The following USO1 variants were observed in gnomAD, a reference collection of about 807,000 sequenced individuals.
USO1 encodes the protein general vesicular transport factor p115.
In USO1, 57 loss-of-function variants were observed where a neutral mutation model predicts 124.5. The observed-to-expected ratio is 0.46, with a 90% CI of 0.37 to 0.57. The LOEUF is 0.57. Among genes scored for constraint, USO1 ranks in the 20% least tolerant of loss-of-function variants. The pLI is 0.00. For missense variants in USO1, 900 were observed against 1,040.6 expected, an observed-to-expected ratio of 0.86 and a Z score of 1.86; for synonymous variants, 369 against 362.8, an observed-to-expected ratio of 1.02 and a Z score of -0.19.
chr4:75,798,671 G>A (rs1424518831), intron 13 of USO1, among the ~76,000 whole-genome samples: 1 of 152,116 alleles, frequency 6.6e-6, no homozygotes, highest in African/African-American at 2.4e-5. Context: ...AATTAGAATA[G>A]TCTGGGTGGT....
intron 4 of USO1, among the ~76,000 whole-genome samples, chr4:75,769,698 A>T (rs1176938158): frequency 1.3e-5 from 2 of 151,236 alleles, no homozygotes; most frequent in African/African-American, 4.9e-5. Context: ...GGCAGATCTT[A>T]AGTAGTTTGC....
chr4:75,777,236 T>C (rs975455340), intron 8 of USO1, among the ~76,000 whole-genome samples: 3 of 152,154 alleles, frequency 2.0e-5, no homozygotes, highest in African/African-American at 7.2e-5. Context: ...TTTTATATAG[T>C]ATTTAATTAA....
chr4:75,793,085 GT>G (rs1722576176), intron 12 of USO1, among the ~76,000 whole-genome samples: 1 of 151,052 alleles, frequency 6.6e-6, no homozygotes, highest in East Asian at 1.9e-4. Flanking sequence ...AGATCTCATT[GT>G]TTTGTATGGC....
intron 4 of USO1, chr4:75,767,377 A>G (rs928070310): frequency 1.5e-5 from 6 of 389,650 alleles, no homozygotes; most frequent in Non-Finnish European, 3.0e-5. Context: ...ATGTAAAATA[A>G]TGAACATATG....
chr4:75,724,639 G>C lies in USO1; in HGVS notation c.-181G>C, dbSNP rs557440558. 1.7e-6 allele frequency: 1 copy of C among 604,334 alleles called. No individual in the cohort carries two copies. The highest frequency in any genetic ancestry group is 1.9e-5 in the African/African-American group (1 of 51,460). 37.4% of individuals were successfully genotyped at this position (604,334 alleles called of 1,614,324 possible). A position where few individuals can be genotyped will look rare whatever the true frequency, so the allele number is the denominator to read the frequency against. The stretch of plus-strand genomic sequence containing the variant: ...CACGTCCCCGCGCATGCGCATCTTG[G>C]CCGCTGCTGGCGGCTGTTTCCGGGC... On this transcript the variant is annotated 5_prime_UTR_variant, in exon 1 of 24. Transcript: ENST00000514213.
In USO1 at chr4:75,797,560, C is replaced by CAA. The variant is rs34297170; in HGVS notation, c.1453-2047_1453-2046dup. Among the ~76,000 whole-genome samples, 918 of 111,434 alleles carry CAA rather than the reference C, an allele frequency of 8.2e-3. 7 individuals carry two copies. The highest frequency in any genetic ancestry group is 0.024 in the African/African-American group (690 of 29,266). 73.1% of individuals were successfully genotyped at this position (111,434 alleles called of 152,430 possible). A position where few individuals can be genotyped will look rare whatever the true frequency, so the allele number is the denominator to read the frequency against. On this transcript the variant is annotated intron_variant, in intron 13 of 23. Transcript: ENST00000514213. ...GAATCATGTTGTTTTGTTCCAGAAG[C>CAA]AAAAAAAAAAAAAAAAGCCTTTTAG...
intron 18 of USO1, 75 bp downstream of exon 18, chr4:75,804,347 T>G (rs1196423989): frequency 1.3e-6 from 2 of 1,494,928 alleles, no homozygotes; most frequent in East Asian, 4.8e-5. Flanking sequence ...AGTAAAAGAT[T>G]CTTTCTGTGG....
At chr4:75,767,712 C>G (rs961403157) in intron 4 of USO1, among the ~76,000 whole-genome samples, 1 of 152,230 alleles carries the variant, frequency 6.6e-6, no homozygotes, top group African/African-American at 2.4e-5. Context: ...TTGGTCTGTT[C>G]TCTTCTATTG....
At chr4:75,744,221 T>C (rs1315791995) in intron 1 of USO1, among the ~76,000 whole-genome samples, 1 of 152,224 alleles carries the variant, frequency 6.6e-6, no homozygotes, top group Admixed American at 6.5e-5. Flanking sequence ...CCCCCATAAG[T>C]GTGGCAGCAC....
intron 1 of USO1, chr4:75,744,871 AT>A: frequency 2.1e-6 from 1 of 487,408 alleles, no homozygotes; most frequent in South Asian, 1.5e-5. Flanking sequence ...TTGCTGCAGT[AT>A]TTGTTACTGT....
chr4:75,738,560 T>G (rs1720861664), intron 1 of USO1, among the ~76,000 whole-genome samples: 1 of 152,108 alleles, frequency 6.6e-6, no homozygotes, highest in Non-Finnish European at 1.5e-5. Flanking sequence ...TTACAGTGGC[T>G]TCAACCTCCT....
chr4:75,793,716 C>T lies in USO1; in HGVS notation c.1267C>T (p.Gln423Ter). 1 of 1,611,270 alleles carries T rather than the reference C, an allele frequency of 6.2e-7. No homozygotes were observed. The highest frequency in any genetic ancestry group is 8.5e-7 in the Non-Finnish European group (1 of 1,178,446). ...AACAGGTAATTCAGTTTCAGCTGGC[C>T]AGTTATTATGTGGAGGTTTGTTTTC... ...DATGNSVSAG[Q>*]LLCGGLFSTD... The change falls in exon 13 of 24, where the codon CAG (glutamine) becomes TAG (stop). Residue 423 changes from glutamine to a stop codon, truncating the protein, a stop_gained. Coordinates refer to ENST00000514213, the MANE Select transcript of USO1 (RefSeq NM_003715.4). LOFTEE classifies it high-confidence loss of function.
chr4:75,796,140 A>G (rs919606841), intron 13 of USO1, among the ~76,000 whole-genome samples: 5 of 152,190 alleles, frequency 3.3e-5, no homozygotes, highest in Admixed American at 2.0e-4. Flanking sequence ...GCAGAATTTT[A>G]TATTAGGGAA....
chr4:75,746,461 A>G (rs1351884970), intron 1 of USO1, among the ~76,000 whole-genome samples: 1 of 151,776 alleles, frequency 6.6e-6, no homozygotes, highest in Admixed American at 6.6e-5. Flanking sequence ...AAATGGAATA[A>G]TAGTTTTGAG....
rs759553704 is a variant in USO1, at chr4:75,724,833, G to A, written c.14G>A (p.Arg5His). 13 of 1,613,726 alleles carry A rather than the reference G, an allele frequency of 8.1e-6. No individual in the cohort carries two copies. The highest frequency in any genetic ancestry group is 1.7e-6 in the Non-Finnish European group (2 of 1,179,824). Reference protein sequence around the residue: MNFLRGVMGGQSAGP... With the variant: MNFLHGVMGGQSAGP... ...CTGAACGGCAAGATGAATTTCCTCC[G>A]CGGGGTAATGGGGGGTCAGAGTGCC... The change falls in exon 1 of 24, where the codon CGC (arginine) becomes CAC (histidine). Residue 5 changes from arginine (R) to histidine (H), a missense_variant. Arg to His is a conservative substitution (Grantham distance 29, BLOSUM62 0). Around this residue, in one of 2 missense-constraint regions of USO1, gnomAD observed 538 missense variants for 681.6 expected, o/e 0.79. Coordinates refer to ENST00000514213, the MANE Select transcript of USO1 (RefSeq NM_003715.4).
chr4:75,787,122 G>A lies in USO1; in HGVS notation c.916G>A (p.Ala306Thr). 1 of 1,607,814 alleles carries A rather than the reference G, an allele frequency of 6.2e-7. No homozygotes were observed. Residue 306 changes from alanine to threonine, a missense_variant, in exon 10 of 24, where the codon GCT becomes ACT. Coordinates refer to ENST00000514213, the MANE Select transcript of USO1 (RefSeq NM_003715.4). The part of the protein sequence containing the change: ...PPGATSSCQK[A>T]MFQCGLLQQL... ...TGGTGCTACCAGTAGCTGCCAGAAG[G>A]CTATGTTCCAGTGTGGGTTATTGCA...
At chr4:75,730,271 A>C (rs1373355235) in intron 1 of USO1, among the ~76,000 whole-genome samples, 1 of 152,246 alleles carries the variant, frequency 6.6e-6, no homozygotes, top group Non-Finnish European at 1.5e-5. Flanking sequence ...TGCTTCAAAA[A>C]ATTTGAATAG....
intron 22 of USO1, among the ~76,000 whole-genome samples, chr4:75,811,437 C>T (rs904942819): frequency 1.3e-5 from 2 of 152,160 alleles, no homozygotes; most frequent in Non-Finnish European, 2.9e-5. Flanking sequence ...GGATTACAGG[C>T]GTGAGCCACC....
intron 20 of USO1, 94 bp from the exon 21 acceptor site, chr4:75,808,859 T>A: frequency 7.3e-7 from 1 of 1,374,360 alleles, no homozygotes; most frequent in Non-Finnish European, 9.8e-7. Flanking sequence ...AAGTAGGAGG[T>A]TGTAAATCAT....
Sources: allele counts gnomAD v4.1 joint callset (sites outside exome capture counted in the v4.1 genomes callset), GRCh38; gene constraint gnomAD v4.1.1; regional missense constraint gnomAD v4.1.1; transcripts MANE v1.5; gene names NCBI Gene and HGNC (gene_info 2026-07-23, HGNC 2026-07-21).